Variants in GRID2 observed in about 807,000 individuals in gnomAD.
The protein encoded by GRID2 is glutamate receptor ionotropic, delta-2.
A neutral mutation model predicts 114.8 loss-of-function variants in GRID2; 33 were observed. That is an observed-to-expected ratio of 0.29 (90% CI 0.22 to 0.38). The LOEUF is 0.38. Ranked by LOEUF, GRID2 falls within the 10% of genes least tolerant of loss-of-function variation. The pLI, the probability that GRID2 is intolerant of heterozygous loss-of-function variation, is 1.00. For missense variants in GRID2, 1,184 were observed against 1,257.7 expected, an observed-to-expected ratio of 0.94 and a Z score of 0.89; for synonymous variants, 505 against 449.9, an observed-to-expected ratio of 1.12 and a Z score of -1.55.
At chr4:92,990,413 G>A (rs1260880003) in intron 2 of GRID2, among the ~76,000 whole-genome samples, 1 of 151,538 alleles carries the variant, frequency 6.6e-6, no homozygotes, top group Non-Finnish European at 1.5e-5. Flanking sequence ...CTGGGTTCAA[G>A]AGATTCTCCT....
chr4:93,555,557 A>G (rs1216575332), intron 13 of GRID2, among the ~76,000 whole-genome samples: 1 of 152,196 alleles, frequency 6.6e-6, no homozygotes, highest in East Asian at 1.9e-4. Flanking sequence ...CTGCCTCTCC[A>G]GATTCCTCCT....
chr4:93,694,701 A>G (rs1560914773), intron 14 of GRID2, among the ~76,000 whole-genome samples: 1 of 151,966 alleles, frequency 6.6e-6, no homozygotes, highest in Non-Finnish European at 1.5e-5. Context: ...CTTACAGGGC[A>G]TCAACGTCGA....
At chr4:93,545,278 A>G (rs1035796251) in intron 13 of GRID2, among the ~76,000 whole-genome samples, 11 of 152,206 alleles carry the variant, frequency 7.2e-5, no homozygotes, top group African/African-American at 2.7e-4. Context: ...ACTGGGAGGA[A>G]CTAATTTAGA....
intron 13 of GRID2, among the ~76,000 whole-genome samples, chr4:93,606,621 C>T (rs748013287): frequency 1.3e-5 from 2 of 152,158 alleles, no homozygotes; most frequent in Non-Finnish European, 2.9e-5. Flanking sequence ...ATGGCAAGAT[C>T]TAGCAATTTT....
At chr4:92,851,145 T>C (rs1358494701) in intron 2 of GRID2, among the ~76,000 whole-genome samples, 1 of 151,958 alleles carries the variant, frequency 6.6e-6, no homozygotes, top group African/African-American at 2.4e-5. Flanking sequence ...CATGATCATT[T>C]AATGCCATGT....
intron 8 of GRID2, among the ~76,000 whole-genome samples, chr4:93,298,149 C>T (rs545165454): frequency 1.1e-4 from 16 of 152,302 alleles, no homozygotes; most frequent in Admixed American, 1.0e-3. Context: ...CAGCAAACAC[C>T]ATCATCATCC....
intron 2 of GRID2, among the ~76,000 whole-genome samples, chr4:92,604,027 G>A (rs1729343145): frequency 6.6e-6 from 1 of 152,144 alleles, no homozygotes; most frequent in South Asian, 2.1e-4. Context: ...TTATTAAAAT[G>A]TTAAGAAACA....
chr4:92,497,614 G>A (rs1239626481), intron 1 of GRID2, among the ~76,000 whole-genome samples: 1 of 151,830 alleles, frequency 6.6e-6, no homozygotes, highest in Non-Finnish European at 1.5e-5. Context: ...AGAATTTTCT[G>A]AGGAGACACG....
chr4:92,510,318 G>A (rs1028518917), intron 1 of GRID2, among the ~76,000 whole-genome samples: 3 of 151,854 alleles, frequency 2.0e-5, no homozygotes, highest in East Asian at 1.9e-4. Flanking sequence ...AGGAAGATGA[G>A]GAGCTCGTAT....
intron 1 of GRID2, among the ~76,000 whole-genome samples, chr4:92,440,555 GAGT>G (rs996779166): frequency 7.2e-5 from 11 of 151,892 alleles, no homozygotes; most frequent in African/African-American, 1.7e-4. Flanking sequence ...AATCCCTGAG[GAGT>G]AGTAGAATAG....
chr4:92,948,826 A>C (rs1191016237), intron 2 of GRID2, among the ~76,000 whole-genome samples: 2 of 152,048 alleles, frequency 1.3e-5, no homozygotes, highest in African/African-American at 4.8e-5. Flanking sequence ...TGAAATCTAC[A>C]GCATTTAACT....
intron 2 of GRID2, among the ~76,000 whole-genome samples, chr4:92,844,179 C>A (rs1438027319): frequency 2.6e-5 from 4 of 152,004 alleles, no homozygotes; most frequent in African/African-American, 4.8e-5. Flanking sequence ...AAGCTTAACT[C>A]ATTTTTGAGA....
intron 2 of GRID2, among the ~76,000 whole-genome samples, chr4:92,893,660 ATAAT>A (rs1238652912): frequency 2.6e-4 from 39 of 152,188 alleles, no homozygotes; most frequent in Admixed American, 2.3e-3. Flanking sequence ...GTGTAAAGAG[ATAAT>A]TAATTATTTC....
intron 2 of GRID2, among the ~76,000 whole-genome samples, chr4:92,642,789 A>G (rs955713572): frequency 2.0e-5 from 3 of 151,686 alleles, no homozygotes; most frequent in Admixed American, 2.0e-4. Context: ...TTATAGTGTG[A>G]GGTCTTCCAC....
chr4:92,439,348 G>C (rs574327587), intron 1 of GRID2, among the ~76,000 whole-genome samples: 1 of 152,100 alleles, frequency 6.6e-6, no homozygotes, highest in African/African-American at 2.4e-5. Context: ...CCATCTGGGC[G>C]TATATGTGCA....
chr4:92,940,250 G>A (rs1408924038), intron 2 of GRID2, among the ~76,000 whole-genome samples: 3 of 146,902 alleles, frequency 2.0e-5, no homozygotes, highest in African/African-American at 4.9e-5. Context: ...ATTGAGCAGT[G>A]ATTTGTAGTT....
intron 3 of GRID2, among the ~76,000 whole-genome samples, chr4:93,088,849 A>G (rs566689696): frequency 9.2e-4 from 140 of 152,238 alleles, no homozygotes; most frequent in Non-Finnish European, 1.9e-3. Context: ...ACTAGGAAGT[A>G]TCAGATCAGA....
At chr4:93,765,615 T>TATATATATATATATGAGGC (rs1733601590) in intron 14 of GRID2, among the ~76,000 whole-genome samples, 4 of 147,248 alleles carry the variant, frequency 2.7e-5, no homozygotes, top group South Asian at 2.1e-4. Context: ...GTATTATATA[T>TATATATATATATATGAGGC]ATATATATAT....
intron 2 of GRID2, among the ~76,000 whole-genome samples, chr4:93,023,345 C>T (rs755572137): frequency 6.6e-6 from 1 of 151,538 alleles, no homozygotes; most frequent in Admixed American, 6.6e-5. Context: ...AAAAAAATAT[C>T]ATAAGATATT....
Sources: gnomAD v4.1 joint callset for allele counts (sites outside exome capture counted in the v4.1 genomes callset) on GRCh38, gnomAD v4.1.1 for gene constraint, MANE v1.5 for transcripts, NCBI Gene and HGNC (gene_info 2026-07-23, HGNC 2026-07-21) for gene names.